VPS13B: variants seen among roughly 807,000 people sequenced by gnomAD.
VPS13B encodes the protein intermembrane lipid transfer protein VPS13B.
A neutral mutation model predicts 426.4 loss-of-function variants in VPS13B; 285 were observed. The observed-to-expected ratio is 0.67, with a 90% CI of 0.61 to 0.74. The LOEUF is 0.74. Among genes scored for constraint, VPS13B ranks in the 30% least tolerant of loss-of-function variants. The pLI is 0.00. For synonymous variants in VPS13B, 1,676 were observed against 1,676.4 expected, an observed-to-expected ratio of 1.00 and a Z score of 0.01; for missense variants, 4,537 against 4,782.6, an observed-to-expected ratio of 0.95 and a Z score of 1.51.
intron 19 of VPS13B, among the ~76,000 whole-genome samples, chr8:99,304,984 T>A (rs1200103631): frequency 6.6e-6 from 1 of 152,126 alleles, no homozygotes; most frequent in African/African-American, 2.4e-5. Flanking sequence ...TGTGGAACGA[T>A]TTGCAATTCC....
At chr8:99,586,386 T>A (rs1163598383) in intron 33 of VPS13B, among the ~76,000 whole-genome samples, 6 of 152,160 alleles carry the variant, frequency 3.9e-5, no homozygotes, top group Non-Finnish European at 8.8e-5. Context: ...GCAGTCTATA[T>A]CTATGCACTT....
At chr8:99,580,240 C>T (rs1318537450) in intron 33 of VPS13B, among the ~76,000 whole-genome samples, 1 of 150,710 alleles carries the variant, frequency 6.6e-6, no homozygotes, top group African/African-American at 2.4e-5. Context: ...CTAAGTCCAC[C>T]ATCTGATACT....
intron 34 of VPS13B, among the ~76,000 whole-genome samples, chr8:99,654,651 G>A (rs1406442503): frequency 6.6e-6 from 1 of 152,108 alleles, no homozygotes; most frequent in Non-Finnish European, 1.5e-5. Context: ...GTTGAGCATA[G>A]CCAAAACCAT....
At chr8:99,057,483 C>T (rs1275401906) in intron 3 of VPS13B, among the ~76,000 whole-genome samples, 1 of 152,106 alleles carries the variant, frequency 6.6e-6, no homozygotes, top group Non-Finnish European at 1.5e-5. Context: ...TACTTTTCTG[C>T]TACCTATCCC....
At chr8:99,295,512 T>C (rs573449494) in intron 19 of VPS13B, among the ~76,000 whole-genome samples, 12 of 152,328 alleles carry the variant, frequency 7.9e-5, no homozygotes, top group African/African-American at 2.6e-4. Context: ...GTAGAAAATG[T>C]ATTTGATACA....
intron 30 of VPS13B, among the ~76,000 whole-genome samples, chr8:99,535,192 G>A (rs1823135515): frequency 1.3e-5 from 2 of 151,988 alleles, no homozygotes; most frequent in Admixed American, 1.3e-4. Flanking sequence ...CTAAGCCTTG[G>A]TAAGATAAAA....
chr8:99,791,758 T>C (rs1197329455), intron 43 of VPS13B, among the ~76,000 whole-genome samples: 8 of 149,270 alleles, frequency 5.4e-5, no homozygotes, highest in African/African-American at 2.0e-4. Context: ...CTGAAGGCTC[T>C]GGAGACTAAA....
rs536187840 is a variant in VPS13B at position 99,096,527 on chromosome 8, G to A, written c.412+95G>A. On this transcript the variant is annotated intron_variant, in intron 4 of 61. Coordinates refer to ENST00000357162, the MANE Select transcript of VPS13B (RefSeq NM_152564.5). ...TCCCAGTGCTTTGGGGGGCTGAGGCGGGTGGATTACTTGAGGTCAGGAGTT... is the reference window on the plus strand; with the variant it reads ...TCCCAGTGCTTTGGGGGGCTGAGGCAGGTGGATTACTTGAGGTCAGGAGTT... 5.9e-5 allele frequency: 91 copies of A among 1,544,514 alleles called. 1 individual carries two copies. In the African/African-American group the frequency reaches 1.1e-3, roughly 18 times the overall value.
At chr8:99,236,404 C>G (rs1246300832) in intron 17 of VPS13B, among the ~76,000 whole-genome samples, 2 of 152,106 alleles carry the variant, frequency 1.3e-5, no homozygotes, top group South Asian at 2.1e-4. Context: ...TGTGTGCCAC[C>G]ACGCCTGGCT....
At chr8:99,334,399 G>A (rs1288407001) in intron 19 of VPS13B, among the ~76,000 whole-genome samples, 1 of 152,044 alleles carries the variant, frequency 6.6e-6, no homozygotes, top group Non-Finnish European at 1.5e-5. Flanking sequence ...GGTCGAATAG[G>A]AGTGGTGAGA....
chr8:99,376,484 T>C (rs1563695603), intron 19 of VPS13B, among the ~76,000 whole-genome samples: 1 of 152,220 alleles, frequency 6.6e-6, no homozygotes, highest in Non-Finnish European at 1.5e-5. Context: ...AATGTAATCA[T>C]ATAACTTACA....
intron 39 of VPS13B, among the ~76,000 whole-genome samples, chr8:99,735,130 G>A (rs1211085013): frequency 6.6e-6 from 1 of 152,054 alleles, no homozygotes; most frequent in Non-Finnish European, 1.5e-5. Flanking sequence ...GAAAAGTGAA[G>A]CCAAGAAAGC....
At position 99,871,477 on chromosome 8, in the gene VPS13B, A is replaced by T; in HGVS notation, c.11525A>T (p.Glu3842Val). 1 of 1,614,200 alleles carries T rather than the reference A, an allele frequency of 6.2e-7. No homozygotes were observed. Among genetic ancestry groups the T allele is most frequent in the Non-Finnish European group, 8.5e-7 (1 of 1,180,024 alleles). Residue 3842 changes from glutamate to valine, a missense_variant, in exon 61 of 62, where the codon GAA becomes GTA. Transcript: ENST00000357162. ...ATGCTTCAGTCTCTGGGCAGACCAG[A>T]AGTCCACATGGCCCTGGACGTGGTT... ...WKMLQSLGRP[E>V]VHMALDVVLV...
intron 17 of VPS13B, among the ~76,000 whole-genome samples, chr8:99,199,910 CTATT>C (rs1381921792): frequency 1.3e-5 from 2 of 151,858 alleles, no homozygotes. Flanking sequence ...TTGTACCACA[CTATT>C]TATTCCTTTT....
chr8:99,311,126 GGATTCGTTGAT>G (rs1820947497), intron 19 of VPS13B, among the ~76,000 whole-genome samples: 2 of 152,032 alleles, frequency 1.3e-5, no homozygotes, highest in Non-Finnish European at 2.9e-5. Context: ...ACCAGGTCCT[GGATTCGTTGAT>G]TTTTTGAAGG....
chr8:99,478,796 A>G lies in VPS13B; in HGVS notation c.3667-2803A>G, dbSNP rs938331989. ...ACTTTTAAACGAAATTAAACTGGAC[A>G]AGTGTAATCTTTTATGTGAAAAGTT... On this transcript the variant is annotated intron_variant, in intron 24 of 61. Transcript: ENST00000357162. 6.6e-5 allele frequency among the ~76,000 whole-genome samples: 10 copies of G among 151,128 alleles called. No individual in the cohort carries two copies. The Admixed American group carries it at 6.6e-4, about 10-fold the overall frequency.
At chr8:99,791,720 TAAA>T (rs1163608239) in intron 43 of VPS13B, among the ~76,000 whole-genome samples, 27 of 90,068 alleles carry the variant, frequency 3.0e-4, no homozygotes, top group African/African-American at 1.1e-3. Context: ...GAACAGAACT[TAAA>T]AAAAAAAAAA....
chr8:99,024,986 T>C (rs775971833), intron 2 of VPS13B, among the ~76,000 whole-genome samples: 1 of 152,194 alleles, frequency 6.6e-6, no homozygotes, highest in Non-Finnish European at 1.5e-5. Flanking sequence ...TGTCATTTTT[T>C]TTTGTAGAGA....
chr8:99,861,751 T>G (rs1816847779), intron 57 of VPS13B, 25 bp from the exon 58 acceptor site: 1 of 1,580,486 alleles, frequency 6.3e-7, no homozygotes. Context: ...ACAAGGAGGC[T>G]AACCCCATGC....
Sources: gnomAD v4.1 joint callset for allele counts (sites outside exome capture counted in the v4.1 genomes callset) on GRCh38, gnomAD v4.1.1 for gene constraint, MANE v1.5 for transcripts, NCBI Gene and HGNC (gene_info 2026-07-23, HGNC 2026-07-21) for gene names.